NUTM2E: variants seen among roughly 807,000 people sequenced by gnomAD.
NUTM2E encodes the protein family with sequence similarity 22, member E.
NUTM2E carries 3 observed loss-of-function variants against 26.1 expected under a neutral mutation model. The ratio of observed to expected loss-of-function variants is 0.12; its 90% CI spans 0.05 to 0.30. The LOEUF (loss-of-function observed/expected upper bound fraction) is 0.30, where lower values mean the gene tolerates loss of function less well. Ranked by LOEUF, NUTM2E falls within the 10% of genes least tolerant of loss-of-function variation. The pLI, the probability that NUTM2E is intolerant of heterozygous loss-of-function variation, is 1.00. For synonymous variants in NUTM2E, 13 were observed against 157.5 expected (o/e 0.08, Z 6.87); for missense variants, 62 against 381.3 (o/e 0.16, Z 6.97).
At chr10:79,831,588 C>G (rs1460183155) in intron 1 of NUTM2E, among the ~76,000 whole-genome samples, 8 of 151,814 alleles carry the variant, frequency 5.3e-5, no homozygotes, top group Non-Finnish European at 1.5e-5. Context: ...ATTGCATGTT[C>G]TCGTAAAGGG....
At chr10:79,834,267 T>C (rs1841946554) in intron 1 of NUTM2E, among the ~76,000 whole-genome samples, 1 of 151,640 alleles carries the variant, frequency 6.6e-6, no homozygotes, top group African/African-American at 2.4e-5. Flanking sequence ...AGATGACAGG[T>C]TGATGGGCAG....
rs1418122816 is a variant in NUTM2E at position 79,833,577 on chromosome 10, G to A, written c.-2727-4732G>A. On this transcript the variant is annotated intron_variant, in intron 1 of 9. Coordinates refer to ENST00000429984, the MANE Select transcript of NUTM2E (RefSeq NM_001355263.2). ...ATGAACAGACACTTTTCAAAAGAAGGCATTTATGTGGCCAAAAACGTGAAA... is the reference window on the plus strand; with the variant it reads ...ATGAACAGACACTTTTCAAAAGAAGACATTTATGTGGCCAAAAACGTGAAA... 2.6e-5 allele frequency among the ~76,000 whole-genome samples: 4 copies of A among 151,576 alleles called. 1 individual carries two copies. The highest frequency in any genetic ancestry group is 4.2e-4 in the South Asian group (2 of 4,776).
At chr10:79,835,557 C>G (rs553805050) in intron 1 of NUTM2E, among the ~76,000 whole-genome samples, 1 of 103,134 alleles carries the variant, frequency 9.7e-6, no homozygotes, top group African/African-American at 3.5e-5. Context: ...GGCTTAGTGT[C>G]TATATTGTTT....
Position 79,840,655 on chromosome 10 carries a change from C to A in NUTM2E, c.-1086C>A, listed in dbSNP as rs562649735. Among the ~76,000 whole-genome samples, 162 of 151,192 alleles carry A rather than the reference C, an allele frequency of 1.1e-3. 1 individual carries two copies. Among genetic ancestry groups the A allele is most frequent in the Non-Finnish European group, 1.9e-3 (129 of 67,798 alleles). On this transcript the variant is annotated 5_prime_UTR_variant, in exon 4 of 10. It introduces an in-frame stop codon into an upstream open reading frame of the 5' UTR. Transcript: ENST00000429984. ...TGCCCCTGCAGTGTGGCCGCTGTTA[C>A]ATTTTCCTGCAACTCTGCCTTCTTG...
chr10:79,834,935 TTC>T (rs942103856), intron 1 of NUTM2E, among the ~76,000 whole-genome samples: 3 of 151,702 alleles, frequency 2.0e-5, no homozygotes, highest in African/African-American at 4.8e-5. Flanking sequence ...CTCTGTGTGT[TTC>T]TCTCTCTCAT....
At chr10:79,836,200 T>TA (rs905696498) in intron 1 of NUTM2E, among the ~76,000 whole-genome samples, 175 of 151,762 alleles carry the variant, frequency 1.2e-3, no homozygotes, top group African/African-American at 3.8e-3. Flanking sequence ...AACTGGGCTT[T>TA]AAAAAAAATC....
chr10:79,849,509 C>T, intron 9 of NUTM2E, 22 bp downstream of exon 9: 1 of 436,354 alleles, frequency 2.3e-6, no homozygotes, highest in South Asian at 2.1e-5. Context: ...GCAGGAGGGA[C>T]CTGGCACACA....
chr10:79,827,123 C>G lies in NUTM2E; in HGVS notation c.-2962C>G, dbSNP rs1841888715. 1 of 152,748 alleles carries G rather than the reference C, an allele frequency of 6.5e-6. No individual in the cohort carries two copies. Among genetic ancestry groups the G allele is most frequent in the Non-Finnish European group, 1.5e-5 (1 of 67,920 alleles). The allele number at this position is 152,748 out of a possible 1,614,324, so 9.5% of individuals were successfully genotyped here. A position where few individuals can be genotyped will look rare whatever the true frequency, so the allele number is the denominator to read the frequency against. The stretch of plus-strand genomic sequence containing the variant: ...GGGGTTCGGTGCGAGCCCCTCGCCC[C>G]TGGCCGGGCCAGCCTCTTGATGCAC... On this transcript the variant is annotated 5_prime_UTR_variant, in exon 1 of 10. Coordinates refer to ENST00000429984, the MANE Select transcript of NUTM2E (RefSeq NM_001355263.2).
chr10:79,828,454 A>G (rs1038364870), intron 1 of NUTM2E, among the ~76,000 whole-genome samples: 10 of 151,926 alleles, frequency 6.6e-5, no homozygotes, highest in African/African-American at 2.4e-4. Context: ...TTTTCCTGGT[A>G]AAGTGTTTTT....
intron 1 of NUTM2E, among the ~76,000 whole-genome samples, chr10:79,829,734 C>G (rs1841914667): frequency 6.6e-6 from 1 of 151,542 alleles, no homozygotes; most frequent in South Asian, 2.1e-4. Context: ...ATCTGACACC[C>G]TAGGTCTCAG....
intron 1 of NUTM2E, among the ~76,000 whole-genome samples, chr10:79,837,864 C>A (rs1369506208): frequency 6.6e-6 from 1 of 151,864 alleles, no homozygotes; most frequent in Admixed American, 6.6e-5. Context: ...TACTCACAGC[C>A]TTCAAGGAGC....
intron 1 of NUTM2E, among the ~76,000 whole-genome samples, chr10:79,834,815 TACACACACAC>T (rs71925965): frequency 1.1e-4 from 16 of 145,972 alleles, no homozygotes; most frequent in South Asian, 2.2e-4. Flanking sequence ...ACAGAATACC[TACACACACAC>T]ACACACACAC....
rs1450005935 is a variant in NUTM2E, at chr10:79,848,964, A to G, written c.1734+69A>G. On this transcript the variant is annotated intron_variant, in intron 8 of 9. Coordinates refer to ENST00000429984, the MANE Select transcript of NUTM2E (RefSeq NM_001355263.2). ...TGGCACTCCCAGGTCCTTGGAATTAAGCTCTGTTCCTTAGCTACTCAGCAG... is the reference window on the plus strand; with the variant it reads ...TGGCACTCCCAGGTCCTTGGAATTAGGCTCTGTTCCTTAGCTACTCAGCAG... 2.7e-5 allele frequency: 16 copies of G among 584,336 alleles called. 1 individual carries two copies. The Admixed American group carries it at 5.1e-4, about 18-fold the overall frequency. The allele number at this position is 584,336 out of a possible 1,614,324, so 36.2% of individuals were successfully genotyped here.
rs538230527 is a variant in NUTM2E, at chr10:79,848,776, G to C, written c.1615G>C (p.Glu539Gln). ...TTCCCTCGGGGCCACGGGGGAGCCC[G>C]AGAAACAACGGGAAGAGGGCAAAGT... Reference protein sequence around the residue: ...GPSLGATGEPEKQREEGKVKQ... With the variant: ...GPSLGATGEPQKQREEGKVKQ... The change falls in exon 8 of 10, where the codon GAG becomes CAG. Residue 539 changes from glutamate (E) to glutamine (Q), a missense_variant. Coordinates refer to ENST00000429984, the MANE Select transcript of NUTM2E (RefSeq NM_001355263.2). The C allele has an allele frequency of 1.3e-5, 7 of 539,484 alleles. 3 individuals are homozygous for C. The highest frequency in any genetic ancestry group is 9.3e-4 in the Middle Eastern group (2 of 2,160). 33.4% of individuals were successfully genotyped at this position (539,484 alleles called of 1,614,324 possible). A position where few individuals can be genotyped will look rare whatever the true frequency, so the allele number is the denominator to read the frequency against.
chr10:79,829,985 A>T (rs1841916369), intron 1 of NUTM2E, among the ~76,000 whole-genome samples: 1 of 151,558 alleles, frequency 6.6e-6, no homozygotes, highest in South Asian at 2.1e-4. Flanking sequence ...TGGTTTCAGA[A>T]TGAGCTTATC....
At chr10:79,838,728 G>C (rs1373558424) in intron 2 of NUTM2E, among the ~76,000 whole-genome samples, 52 bp from the exon 3 acceptor site, 1 of 151,992 alleles carries the variant, frequency 6.6e-6, no homozygotes, top group Non-Finnish European at 1.5e-5. Flanking sequence ...TGACCAGTGG[G>C]AGCATGACCA....
intron 1 of NUTM2E, among the ~76,000 whole-genome samples, chr10:79,836,769 A>G (rs1841966354): frequency 6.6e-6 from 1 of 152,046 alleles, no homozygotes; most frequent in Non-Finnish European, 1.5e-5. Context: ...ATTAATTTAT[A>G]GCTGTTTTTT....
Position 79,845,337 on chromosome 10 carries a change from C to T in NUTM2E, c.1082+465C>T, listed in dbSNP as rs1312918151. ...TTCCGCTGAGGTCCAGTTAGCACAGCGGTGGTGGAGCCTGCACAGGGGGAT... is the reference window on the plus strand; with the variant it reads ...TTCCGCTGAGGTCCAGTTAGCACAGTGGTGGTGGAGCCTGCACAGGGGGAT... On this transcript the variant is annotated intron_variant, in intron 5 of 9. Transcript: ENST00000429984. Among the ~76,000 whole-genome samples, 6 of 113,672 alleles carry T rather than the reference C, an allele frequency of 5.3e-5. 2 individuals carry two copies. Among genetic ancestry groups the T allele is most frequent in the Non-Finnish European group, 1.3e-4 (6 of 44,682 alleles). The allele number at this position is 113,672 out of a possible 152,430, so 74.6% of individuals were successfully genotyped here. A position where few individuals can be genotyped will look rare whatever the true frequency, so the allele number is the denominator to read the frequency against.
In NUTM2E at chr10:79,826,936, G is replaced by T. The variant is rs1369250349; in HGVS notation, c.-3149G>T. On this transcript the variant is annotated 5_prime_UTR_variant, in exon 1 of 10. Transcript: ENST00000429984. ...TCGGGGTGTCGGCCGGGTTGCTGCCGGGCACCGTCGAGCGTTAGCCACCCA... is the reference window on the plus strand; with the variant it reads ...TCGGGGTGTCGGCCGGGTTGCTGCCTGGCACCGTCGAGCGTTAGCCACCCA... The T allele has an allele frequency of 4.0e-5, 6 of 150,002 alleles. No individual in the cohort carries two copies. Among genetic ancestry groups the T allele is most frequent in the Admixed American group, 4.0e-4 (6 of 15,046 alleles). 9.3% of individuals were successfully genotyped at this position (150,002 alleles called of 1,614,324 possible). A position where few individuals can be genotyped will look rare whatever the true frequency, so the allele number is the denominator to read the frequency against.
Sources: allele counts gnomAD v4.1 joint callset (sites outside exome capture counted in the v4.1 genomes callset), GRCh38; gene constraint gnomAD v4.1.1; transcripts MANE v1.5; gene names NCBI Gene and HGNC (gene_info 2026-07-23, HGNC 2026-07-21).